Variants in INSRR observed in about 807,000 individuals in gnomAD.
The protein encoded by INSRR is insulin receptor related receptor.
In INSRR, 114 loss-of-function variants were observed where a neutral mutation model predicts 130.0. The observed-to-expected ratio is 0.88, with a 90% CI of 0.75 to 1.02. The LOEUF (loss-of-function observed/expected upper bound fraction) is 1.02. INSRR is among the 50% of genes least tolerant of loss of function. INSRR has a pLI of 0.00. For missense variants in INSRR, 1,657 were observed against 1,735.2 expected (o/e 0.95, Z 0.80); for synonymous variants, 674 against 705.2 (o/e 0.96, Z 0.70).
chr1:156,844,674 C>T lies in INSRR; in HGVS notation c.2574+33G>A, dbSNP rs745388523. ...CTGGGAAGGCGATGTAGGCACAAAA[C>T]GGGGCTGGGACGGGGGTCCCACGGG... On this transcript the variant is annotated intron_variant, in intron 13 of 21. Coordinates refer to ENST00000368195, the MANE Select transcript of INSRR (RefSeq NM_014215.3). The T allele has an allele frequency of 6.8e-6, 11 of 1,613,780 alleles. No individual in the cohort carries two copies. The South Asian group carries it at 7.7e-5, about 11-fold the overall frequency.
At chr1:156,858,301 A>ATATC (rs1655481530) in intron 1 of INSRR, among the ~76,000 whole-genome samples, 1 of 152,184 alleles carries the variant, frequency 6.6e-6, no homozygotes. Context: ...GGGACGGAAG[A>ATATC]TATCTACTTG....
At chr1:156,841,185 G>T (rs866272465) in intron 21 of INSRR, 81 bp from the exon 22 acceptor site, 1 of 1,162,192 alleles carries the variant, frequency 8.6e-7, no homozygotes, top group Admixed American at 2.0e-5. Context: ...GGGTCAGTTG[G>T]TGGGAGTGGG....
rs945729660 is a variant in INSRR, at chr1:156,849,255, G to C, written c.1435C>G (p.Arg479Gly). The change falls in exon 6 of 22, where the codon CGC becomes GGC. Residue 479 changes from arginine to glycine, a missense_variant. By Grantham distance (125) the Arg-to-Gly change is moderately radical (BLOSUM62 -2). Coordinates refer to ENST00000368195, the MANE Select transcript of INSRR (RefSeq NM_014215.3). ...AEINPRTNGDRAACQTRTLRF... is the reference protein window; with the variant it reads ...AEINPRTNGDGAACQTRTLRF... ...GGGGTTGGGGTCTCACAGGCGGCGC[G>C]GTCTCCGTTGGTGCGGGGGTTGATC... 3 of 1,613,784 alleles carry C rather than the reference G, an allele frequency of 1.9e-6. No individual in the cohort carries two copies. In the South Asian group the frequency reaches 3.3e-5, roughly 18 times the overall value.
In INSRR at chr1:156,852,097, A is replaced by C. The variant is rs759868284; in HGVS notation, c.732T>G (p.Arg244=). The change falls in exon 3 of 22, where the codon CGT becomes CGG. Residue 244 remains arginine, a synonymous_variant. Transcript: ENST00000368195. ...AGAGGTGGCGGCAAGCTACACAGGC[A>C]CGAGGGTCTTCTGGCTGGCTGCAGC... ...LGGCSQPEDP[R]ACVACRHLYF... 1.7e-5 allele frequency: 28 copies of C among 1,613,606 alleles called. No individual in the cohort carries two copies. Among genetic ancestry groups the C allele is most frequent in the Non-Finnish European group, 2.1e-5 (25 of 1,180,000 alleles).
chr1:156,841,237 A>G, intron 21 of INSRR, 133 bp from the exon 22 acceptor site: 1 of 894,242 alleles, frequency 1.1e-6, no homozygotes, highest in African/African-American at 1.7e-5. Context: ...AAGGGATTAA[A>G]TGGGAGTCTT....
At chr1:156,851,180 G>T in intron 5 of INSRR, 110 bp downstream of exon 5, 2 of 1,189,644 alleles carry the variant, frequency 1.7e-6, no homozygotes, top group Non-Finnish European at 2.5e-6. Context: ...AGAGTCACAC[G>T]CCTAGTGAGT....
chr1:156,853,292 G>C lies in INSRR; in HGVS notation c.637+460C>G, dbSNP rs372730007. On this transcript the variant is annotated intron_variant, in intron 2 of 21. Transcript: ENST00000368195. ...GAACTGCTACCATGACCCAGGCCCT[G>C]CTCTGACACTTTGTAGAGTAACTCA... is the stretch of plus-strand genomic sequence containing the variant. Among the ~76,000 whole-genome samples the C allele has an allele frequency of 5.9e-5, 9 of 152,284 alleles. No homozygotes were observed. In the East Asian group the frequency reaches 1.2e-3, roughly 20 times the overall value.
rs150704723 is a variant in INSRR, at chr1:156,857,702, C to A, written c.85+835G>T. On this transcript the variant is annotated intron_variant, in intron 1 of 21. Coordinates refer to ENST00000368195, the MANE Select transcript of INSRR (RefSeq NM_014215.3). ...TCCATGGGAAGAGGAGACTCCCCTG[C>A]CCCTGGGAGCCCCCAGTCTGAGGGG... 1.9e-3 allele frequency among the ~76,000 whole-genome samples: 284 copies of A among 152,342 alleles called. 1 individual carries two copies. The highest frequency in any genetic ancestry group is 6.6e-3 in the African/African-American group (273 of 41,580).
intron 1 of INSRR, among the ~76,000 whole-genome samples, chr1:156,855,596 G>A (rs1307467998): frequency 6.6e-6 from 1 of 152,152 alleles, no homozygotes; most frequent in Admixed American, 6.5e-5. Context: ...GCCGAGGTGG[G>A]AAGATTGCTT....
Position 156,841,698 on chromosome 1 carries a change from T to C in INSRR, c.3494A>G (p.Lys1165Arg). 2 of 1,614,094 alleles carry C rather than the reference T, an allele frequency of 1.2e-6. No homozygotes were observed. The highest frequency in any genetic ancestry group is 2.2e-5 in the South Asian group (2 of 91,068). The change falls in exon 20 of 22, where the codon AAA (lysine) becomes AGA (arginine). Residue 1165 changes from lysine to arginine, a missense_variant. Lys to Arg is a conservative substitution (Grantham distance 26). Transcript: ENST00000368195. Reference protein sequence around the residue: ...PVRWMAPESLKDGIFTTHSDV... With the variant: ...PVRWMAPESLRDGIFTTHSDV... The stretch of plus-strand genomic sequence containing the variant: ...CGAGTGGGTGGTGAAGATCCCATCT[T>C]TGAGGGACTCGGGGGCCATCCAGCG...
chr1:156,858,299 A>C (rs1231559077), intron 1 of INSRR, among the ~76,000 whole-genome samples: 1 of 152,196 alleles, frequency 6.6e-6, no homozygotes, highest in Non-Finnish European at 1.5e-5. Context: ...TAGGGACGGA[A>C]GATATCTACT....
rs1655117281 is a variant in INSRR at position 156,849,202 on chromosome 1, A to C, written c.1444+44T>G. ...CTCCCTCCCCCGGGTGTGCGTGTCT[A>C]GTGTGTGGCCGCGTGTCCACCGGCA... On this transcript the variant is annotated intron_variant, in intron 6 of 21. Coordinates refer to ENST00000368195, the MANE Select transcript of INSRR (RefSeq NM_014215.3). 6 of 1,607,190 alleles carry C rather than the reference A, an allele frequency of 3.7e-6. No individual in the cohort carries two copies. The South Asian group carries it at 6.6e-5, about 18-fold the overall frequency.
Position 156,858,892 on chromosome 1 carries a change from GGA to G in INSRR, c.-273_-272del, listed in dbSNP as rs1003218226. On this transcript the variant is annotated 5_prime_UTR_variant, in exon 1 of 22. Coordinates refer to ENST00000368195, the MANE Select transcript of INSRR (RefSeq NM_014215.3). ...GGGACAGAGATGCAGACAGTGACAG[GGA>G]GAGTCTCGGGCCTCCAGAGGGAGAA... 62 of 483,336 alleles carry G rather than the reference GGA, an allele frequency of 1.3e-4. No individual in the cohort carries two copies. Among genetic ancestry groups the G allele is most frequent in the African/African-American group, 1.1e-3 (55 of 52,050 alleles). 29.9% of individuals were successfully genotyped at this position (483,336 alleles called of 1,614,324 possible). A position where few individuals can be genotyped will look rare whatever the true frequency, so the allele number is the denominator to read the frequency against.
rs778849368 is a variant in INSRR, at chr1:156,853,817, C to T, written c.572G>A (p.Cys191Tyr). Residue 191 changes from cysteine to tyrosine, a missense_variant, in exon 2 of 22, where the codon TGT becomes TAT. Physicochemically the swap from Cys to Tyr is radical, Grantham distance 194. Transcript: ENST00000368195. Reference protein sequence around the residue: ...PGVLGAAGEPCAKTTFSGHTD... With the variant: ...PGVLGAAGEPYAKTTFSGHTD... ...GTGCCCGCTGAAGGTGGTCTTGGCA[C>T]AGGGCTCACCAGCAGCACCCAGCAC... 3 of 1,613,256 alleles carry T rather than the reference C, an allele frequency of 1.9e-6. No homozygotes were observed. The highest frequency in any genetic ancestry group is 1.3e-5 in the African/African-American group (1 of 74,918).
chr1:156,840,424 G>C lies in INSRR; in HGVS notation c.*449C>G. 1 of 158,382 alleles carries C rather than the reference G, an allele frequency of 6.3e-6. No individual in the cohort carries two copies. The highest frequency in any genetic ancestry group is 1.7e-4 in the South Asian group (1 of 5,922). The allele number at this position is 158,382 out of a possible 1,614,324, so 9.8% of individuals were successfully genotyped here. ...AACCAGTGGCAAGCAAGGCAGTCAT[G>C]TGGAGCCCCACCCCCCTCCCATACA... On this transcript the variant is annotated 3_prime_UTR_variant, in exon 22 of 22. Transcript: ENST00000368195.
chr1:156,846,135 G>T lies in INSRR; in HGVS notation c.1811-16C>A. On this transcript the variant is annotated splice_polypyrimidine_tract_variant and intron_variant, in intron 8 of 21. Coordinates refer to ENST00000368195, the MANE Select transcript of INSRR (RefSeq NM_014215.3). Reference sequence around the variant, plus strand: ...ACCGTGGGAGCTAGGAGTGCGAGAAGGATGCAACTCAGGGGTGTGGGTCTT... The same window carrying T: ...ACCGTGGGAGCTAGGAGTGCGAGAATGATGCAACTCAGGGGTGTGGGTCTT... 1 of 1,571,634 alleles carries T rather than the reference G, an allele frequency of 6.4e-7. No homozygotes were observed. Among genetic ancestry groups the T allele is most frequent in the African/African-American group, 1.3e-5 (1 of 74,126 alleles).
At position 156,858,950 on chromosome 1, in the gene INSRR, C is replaced by A; in HGVS notation, c.-329G>T. ...CACAGGGTTCTGAGCAAAAGGCAGGCCGAGAGGCCAGCCAACCCTGAGGGC... is the reference window on the plus strand; with the variant it reads ...CACAGGGTTCTGAGCAAAAGGCAGGACGAGAGGCCAGCCAACCCTGAGGGC... On this transcript the variant is annotated 5_prime_UTR_variant, in exon 1 of 22. Coordinates refer to ENST00000368195, the MANE Select transcript of INSRR (RefSeq NM_014215.3). 1 of 300,906 alleles carries A rather than the reference C, an allele frequency of 3.3e-6. No individual in the cohort carries two copies. The highest frequency in any genetic ancestry group is 6.4e-6 in the Non-Finnish European group (1 of 156,102). The allele number at this position is 300,906 out of a possible 1,614,324, so 18.6% of individuals were successfully genotyped here. A position where few individuals can be genotyped will look rare whatever the true frequency, so the allele number is the denominator to read the frequency against.
chr1:156,845,505 C>A, intron 10 of INSRR, 92 bp from the exon 11 acceptor site: 1 of 1,491,346 alleles, frequency 6.7e-7, no homozygotes, highest in South Asian at 1.4e-5. Context: ...ACCCACAACC[C>A]GGGACCCGCC....
In INSRR at chr1:156,840,746, T is replaced by G; in HGVS notation, c.*127A>C. The stretch of plus-strand genomic sequence containing the variant: ...CCCACAGCCTTCCCTGCTCCTGTTC[T>G]CTGCCCCACCCTCGGCCATCCCTTG... On this transcript the variant is annotated 3_prime_UTR_variant, in exon 22 of 22. Coordinates refer to ENST00000368195, the MANE Select transcript of INSRR (RefSeq NM_014215.3). The G allele has an allele frequency of 2.7e-6, 2 of 733,738 alleles. No homozygotes were observed. Among genetic ancestry groups the G allele is most frequent in the Non-Finnish European group, 4.7e-6 (2 of 426,728 alleles). The allele number at this position is 733,738 out of a possible 1,614,324, so 45.5% of individuals were successfully genotyped here.
Sources: gnomAD v4.1 joint callset for allele counts (sites outside exome capture counted in the v4.1 genomes callset) on GRCh38, gnomAD v4.1.1 for gene constraint, MANE v1.5 for transcripts, NCBI Gene and HGNC (gene_info 2026-07-23, HGNC 2026-07-21) for gene names.